Variants in FRAS1 observed in about 807,000 individuals in gnomAD.
FRAS1 encodes extracellular matrix organizing protein FRAS1.
Under a neutral mutation model 435.2 loss-of-function variants are expected in FRAS1, and 290 were observed. The observed-to-expected ratio is 0.67, with a 90% CI of 0.61 to 0.73. The LOEUF (loss-of-function observed/expected upper bound fraction) is 0.73. FRAS1 is among the 30% of genes least tolerant of loss of function. FRAS1 has a pLI of 0.00. For synonymous variants in FRAS1, 1,800 were observed against 1,851.0 expected (o/e 0.97, Z 0.71); for missense variants, 4,860 against 5,001.5 (o/e 0.97, Z 0.85).
intron 18 of FRAS1, among the ~76,000 whole-genome samples, chr4:78,323,740 A>G (rs1363175507): frequency 1.3e-5 from 2 of 152,142 alleles, no homozygotes; most frequent in Non-Finnish European, 1.5e-5. Flanking sequence ...AGGATCTAGA[A>G]CTGTATGTCT....
Position 78,452,343 on chromosome 4 carries a change from C to T in FRAS1, c.6752C>T (p.Ala2251Val). 1 of 1,601,388 alleles carries T rather than the reference C, an allele frequency of 6.2e-7. No homozygotes were observed. The highest frequency in any genetic ancestry group is 8.5e-7 in the Non-Finnish European group (1 of 1,176,566). ...RQPQLGHLEH[A>V]ASPGIQISSF... Reference sequence around the variant, plus strand: ...CCCCAGCTGGGCCACTTGGAACATGCAGCATCACCAGGTAAGTCTATCATC... The same window carrying T: ...CCCCAGCTGGGCCACTTGGAACATGTAGCATCACCAGGTAAGTCTATCATC... Residue 2251 changes from alanine to valine, a missense_variant, in exon 47 of 74, where the codon GCA becomes GTA. By Grantham distance (64) the Ala-to-Val change is moderately conservative. Transcript: ENST00000512123.
At chr4:78,382,281 A>AT (rs1221973655) in intron 27 of FRAS1, among the ~76,000 whole-genome samples, 2 of 151,980 alleles carry the variant, frequency 1.3e-5, no homozygotes, top group Non-Finnish European at 2.9e-5. Flanking sequence ...ATAAGGCATT[A>AT]TTTAATAAAA....
rs1740016023 is a variant in FRAS1 at position 78,065,975 on chromosome 4, T to G, written c.77-10T>G. 1.2e-6 allele frequency: 2 copies of G among 1,603,416 alleles called. No homozygotes were observed. Among genetic ancestry groups the G allele is most frequent in the Admixed American group, 1.7e-5 (1 of 59,726 alleles). ...ATCCCTTTTAATTCTTGTTTTGTTTTTCCCCACAGGTGCTTGTGTCTATCA... is the reference window on the plus strand; with the variant it reads ...ATCCCTTTTAATTCTTGTTTTGTTTGTCCCCACAGGTGCTTGTGTCTATCA... On this transcript the variant is annotated splice_polypyrimidine_tract_variant and intron_variant, in intron 1 of 73. Transcript: ENST00000512123.
intron 4 of FRAS1, among the ~76,000 whole-genome samples, chr4:78,250,094 GAT>G (rs1725462334): frequency 6.6e-6 from 1 of 151,766 alleles, no homozygotes; most frequent in Admixed American, 6.6e-5. Flanking sequence ...TTGACTTTAA[GAT>G]ATATAAATGA....
intron 46 of FRAS1, 135 bp from the exon 47 acceptor site, chr4:78,452,040 C>A (rs1578333121): frequency 8.1e-7 from 1 of 1,235,562 alleles, no homozygotes. Flanking sequence ...TTGCACGAAG[C>A]CCTGGCTCCT....
In FRAS1 at chr4:78,464,605, G is replaced by A. The variant is rs751051455; in HGVS notation, c.7029+22G>A. 3 of 1,612,044 alleles carry A rather than the reference G, an allele frequency of 1.9e-6. No homozygotes were observed. The Admixed American group carries it at 5.0e-5, about 27-fold the overall frequency. Reference sequence around the variant, plus strand: ...AGAGGTAAGAGCACTTCTTCCCATGGGTTCTCTGGCTAAATGAGAGGCTGA... The same window carrying A: ...AGAGGTAAGAGCACTTCTTCCCATGAGTTCTCTGGCTAAATGAGAGGCTGA... On this transcript the variant is annotated intron_variant, in intron 49 of 73. Coordinates refer to ENST00000512123, the MANE Select transcript of FRAS1 (RefSeq NM_025074.7).
intron 2 of FRAS1, among the ~76,000 whole-genome samples, chr4:78,194,968 G>C (rs1392129080): frequency 6.6e-6 from 1 of 152,152 alleles, no homozygotes; most frequent in East Asian, 1.9e-4. Context: ...TGTCCTTTCT[G>C]TTGGTTAGTT....
chr4:78,425,129 TA>T (rs1269896281), intron 35 of FRAS1, among the ~76,000 whole-genome samples: 1 of 142,224 alleles, frequency 7.0e-6, no homozygotes, highest in Admixed American at 7.0e-5. Context: ...ATAATAATAA[TA>T]AATATAAAGC....
intron 2 of FRAS1, among the ~76,000 whole-genome samples, chr4:78,105,312 G>A (rs1465196479): frequency 1.3e-5 from 2 of 152,178 alleles, no homozygotes; most frequent in Non-Finnish European, 2.9e-5. Flanking sequence ...CATTTTGAAG[G>A]AGATTAAGAG....
intron 2 of FRAS1, among the ~76,000 whole-genome samples, chr4:78,115,902 G>C (rs548423150): frequency 6.6e-6 from 1 of 152,002 alleles, no homozygotes; most frequent in South Asian, 2.1e-4. Context: ...TGCTTCTCTA[G>C]TTGTTTTAAT....
intron 17 of FRAS1, 45 bp downstream of exon 17, chr4:78,317,553 A>G: frequency 1.3e-6 from 2 of 1,551,246 alleles, no homozygotes; most frequent in African/African-American, 2.8e-5. Flanking sequence ...ATCCCACAAG[A>G]ACATAGATTT....
intron 2 of FRAS1, among the ~76,000 whole-genome samples, chr4:78,154,414 A>G (rs556222766): frequency 6.6e-6 from 1 of 152,310 alleles, no homozygotes; most frequent in African/African-American, 2.4e-5. Context: ...AAACCCATTT[A>G]AAATATTTTT....
intron 73 of FRAS1, among the ~76,000 whole-genome samples, chr4:78,539,769 G>A (rs751063101): frequency 1.3e-4 from 19 of 151,972 alleles, no homozygotes; most frequent in South Asian, 4.2e-4. Context: ...TGATTTTCAC[G>A]GACATATGAA....
chr4:78,371,817 CA>C (rs1468568431), intron 23 of FRAS1, among the ~76,000 whole-genome samples: 1 of 152,160 alleles, frequency 6.6e-6, no homozygotes, highest in African/African-American at 2.4e-5. Context: ...CCATTAAAAA[CA>C]ACAGCAACAG....
At chr4:78,091,200 G>A (rs1741496726) in intron 2 of FRAS1, among the ~76,000 whole-genome samples, 1 of 151,928 alleles carries the variant, frequency 6.6e-6, no homozygotes, top group South Asian at 2.1e-4. Flanking sequence ...CATCTAGTCT[G>A]TCACAAAATC....
intron 3 of FRAS1, among the ~76,000 whole-genome samples, chr4:78,242,470 C>G (rs906943297): frequency 1.3e-5 from 2 of 152,244 alleles, no homozygotes; most frequent in Admixed American, 6.5e-5. Context: ...GAGTTTCACT[C>G]TGCTGTCCAG....
chr4:78,191,909 T>C (rs980623672), intron 2 of FRAS1, among the ~76,000 whole-genome samples: 2 of 152,206 alleles, frequency 1.3e-5, no homozygotes, highest in African/African-American at 4.8e-5. Flanking sequence ...CCATAGTGTA[T>C]ATGTGCCACA....
intron 2 of FRAS1, among the ~76,000 whole-genome samples, chr4:78,208,889 C>A (rs1053511968): frequency 1.1e-4 from 16 of 152,110 alleles, no homozygotes; most frequent in African/African-American, 3.9e-4. Context: ...GTAATCCCAG[C>A]ACTTTGGGAG....
chr4:78,195,867 A>T (rs886751088), intron 2 of FRAS1, among the ~76,000 whole-genome samples: 1 of 150,730 alleles, frequency 6.6e-6, no homozygotes, highest in Non-Finnish European at 1.5e-5. Flanking sequence ...TGCATCACTC[A>T]CGCTGGGAAC....
Sources: gnomAD v4.1 joint callset for allele counts (sites outside exome capture counted in the v4.1 genomes callset) on GRCh38, gnomAD v4.1.1 for gene constraint, MANE v1.5 for transcripts, NCBI Gene and HGNC (gene_info 2026-07-23, HGNC 2026-07-21) for gene names.